The following CREB1 variants were observed in gnomAD, a reference collection of about 807,000 sequenced individuals.
CREB1 encodes cAMP responsive element binding protein 1.
In CREB1, 2 loss-of-function variants were observed where a neutral mutation model predicts 42.0. The ratio of observed to expected loss-of-function variants is 0.05; its 90% confidence interval spans 0.02 to 0.15. The LOEUF is 0.15. Among genes scored for constraint, CREB1 ranks in the 10% least tolerant of loss-of-function variants. CREB1 has a pLI of 1.00. For missense variants in CREB1, 199 were observed against 388.9 expected (o/e 0.51, Z 4.11); for synonymous variants, 123 against 139.9 (o/e 0.88, Z 0.85).
At chr2:207,530,867 C>T (rs981440374) in intron 1 of CREB1, among the ~76,000 whole-genome samples, 1 of 151,534 alleles carries the variant, frequency 6.6e-6, no homozygotes. Flanking sequence ...TTCCCCCCCG[C>T]TCCTACACCG....
chr2:207,564,890 AG>A (rs2082084215), intron 3 of CREB1, among the ~76,000 whole-genome samples: 1 of 152,238 alleles, frequency 6.6e-6, no homozygotes, highest in Non-Finnish European at 1.5e-5. Flanking sequence ...TGAGAATAAA[AG>A]GAAGGGGTTC....
intron 1 of CREB1, among the ~76,000 whole-genome samples, chr2:207,552,662 G>T (rs564148206): frequency 2.0e-5 from 3 of 149,526 alleles, no homozygotes; most frequent in African/African-American, 7.4e-5. Context: ...CTGCAGTGCA[G>T]TGGCGCGATC....
At chr2:207,540,669 T>TAAAAAAAAAAAAAAAAAAAAAAAAAAAAA (rs35714520) in intron 1 of CREB1, among the ~76,000 whole-genome samples, 1 of 64,268 alleles carries the variant, frequency 1.6e-5, no homozygotes, top group Non-Finnish European at 2.6e-5. Flanking sequence ...GTTTAAAAAG[T>TAAAAAAAAAAAAAAAAAAAAAAAAAAAAA]AAAAAAAAAA....
intron 2 of CREB1, among the ~76,000 whole-genome samples, chr2:207,556,448 G>T (rs938688600): frequency 6.6e-6 from 1 of 152,192 alleles, no homozygotes; most frequent in Non-Finnish European, 1.5e-5. Context: ...TCAGATGAAG[G>T]TTCCCAGGAG....
intron 1 of CREB1, chr2:207,550,627 A>C (rs958493061): frequency 1.3e-5 from 2 of 152,186 alleles, no homozygotes; most frequent in African/African-American, 4.8e-5. Context: ...CTAATGATTG[A>C]AAGAAAAAGT....
chr2:207,532,462 C>G (rs1031745839), intron 1 of CREB1, among the ~76,000 whole-genome samples: 29 of 151,950 alleles, frequency 1.9e-4, no homozygotes, highest in Admixed American at 1.9e-3. Flanking sequence ...CTCACGAGGT[C>G]AAGAGATCGA....
intron 7 of CREB1, chr2:207,580,940 G>A (rs2082887431): frequency 4.6e-6 from 1 of 217,074 alleles, no homozygotes; most frequent in African/African-American, 2.2e-5. Context: ...CTCGTGATCT[G>A]TTAGCCACAG....
chr2:207,540,619 A>G (rs2081054407), intron 1 of CREB1, among the ~76,000 whole-genome samples: 1 of 144,570 alleles, frequency 6.9e-6, no homozygotes, highest in East Asian at 2.1e-4. Flanking sequence ...TGGGTGACAT[A>G]GTGAGACCCT....
intron 1 of CREB1, among the ~76,000 whole-genome samples, chr2:207,552,223 A>G (rs2081537849): frequency 6.6e-6 from 1 of 152,038 alleles, no homozygotes; most frequent in Non-Finnish European, 1.5e-5. Flanking sequence ...CATTTTGAGT[A>G]TGTCTTTGTA....
intron 1 of CREB1, among the ~76,000 whole-genome samples, chr2:207,544,318 A>G (rs2106387923): frequency 6.6e-6 from 1 of 152,298 alleles, no homozygotes; most frequent in East Asian, 1.9e-4. Context: ...TCTTAATCAG[A>G]TCTGCATCAG....
At chr2:207,587,178 G>T (rs1190614386) in intron 7 of CREB1, among the ~76,000 whole-genome samples, 1 of 152,192 alleles carries the variant, frequency 6.6e-6, no homozygotes, top group Non-Finnish European at 1.5e-5. Flanking sequence ...TGGATCACAA[G>T]GTCAGGAGAT....
chr2:207,533,886 A>C (rs2080757601), intron 1 of CREB1, among the ~76,000 whole-genome samples: 1 of 152,170 alleles, frequency 6.6e-6, no homozygotes, highest in African/African-American at 2.4e-5. Flanking sequence ...GCTATCCTGT[A>C]CCCACCCTAA....
At chr2:207,535,542 A>T (rs981860123) in intron 1 of CREB1, among the ~76,000 whole-genome samples, 1 of 151,502 alleles carries the variant, frequency 6.6e-6, no homozygotes, top group Admixed American at 6.6e-5. Flanking sequence ...TACCTTGACG[A>T]TTTTCTAGTA....
rs2087048413 is a variant in CREB1 at position 207,601,498 on chromosome 2, A to T, written c.*4440A>T. On this transcript the variant is annotated 3_prime_UTR_variant, in exon 8 of 8. Coordinates refer to ENST00000353267, the MANE Select transcript of CREB1 (RefSeq NM_004379.5). ...AAAAGACGGGCTCAAACCTTGTTTT[A>T]TTCTTTTTCATCTTGGATGAAGATT... The T allele has an allele frequency of 1.0e-5, 2 of 193,918 alleles. No homozygotes were observed. Among genetic ancestry groups the T allele is most frequent in the South Asian group, 3.9e-4 (2 of 5,170 alleles). 12.0% of individuals were successfully genotyped at this position (193,918 alleles called of 1,614,324 possible).
At chr2:207,540,882 C>T (rs991266689) in intron 1 of CREB1, among the ~76,000 whole-genome samples, 11 of 151,984 alleles carry the variant, frequency 7.2e-5, no homozygotes, top group African/African-American at 2.2e-4. Flanking sequence ...CAGTAAGCTA[C>T]GGTTAATGTA....
In CREB1 at chr2:207,598,796, C is replaced by G. The variant is rs143910207; in HGVS notation, c.*1738C>G. The G allele has an allele frequency of 4.1e-4, 69 of 169,384 alleles. No individual in the cohort carries two copies. The highest frequency in any genetic ancestry group is 1.6e-3 in the African/African-American group (68 of 42,030). The allele number at this position is 169,384 out of a possible 1,614,324, so 10.5% of individuals were successfully genotyped here. On this transcript the variant is annotated 3_prime_UTR_variant, in exon 8 of 8. Coordinates refer to ENST00000353267, the MANE Select transcript of CREB1 (RefSeq NM_004379.5). ...CAGGAGGCAGAGGGTTGCAGTGAGC[C>G]GAGATAGCACCATTGCACTCCAGCC...
Position 207,567,482 on chromosome 2 carries a change from G to A in CREB1, c.281G>A (p.Ser94Asn). ...TTTCAGATTTCAACTATTGCAGAAAGTGAAGATTCACAGGAGTCAGTGGAT... is the reference window on the plus strand; with the variant it reads ...TTTCAGATTTCAACTATTGCAGAAAATGAAGATTCACAGGAGTCAGTGGAT... ...QTVQISTIAE[S>N]EDSQESVDSV... is the part of the protein sequence containing the mutation. The change falls in exon 4 of 8, where the codon AGT becomes AAT. Residue 94 changes from serine to asparagine, a missense_variant. Coordinates refer to ENST00000353267, the MANE Select transcript of CREB1 (RefSeq NM_004379.5). The A allele has an allele frequency of 6.2e-7, 1 of 1,609,502 alleles. No individual in the cohort carries two copies. Among genetic ancestry groups the A allele is most frequent in the Non-Finnish European group, 8.5e-7 (1 of 1,177,198 alleles).
intron 1 of CREB1, among the ~76,000 whole-genome samples, chr2:207,532,902 T>C (rs2080710017): frequency 6.6e-6 from 1 of 151,874 alleles, no homozygotes; most frequent in African/African-American, 2.4e-5. Flanking sequence ...ATTACAGGTG[T>C]GAGCCACCGC....
At position 207,604,140 on chromosome 2, in the gene CREB1, C is replaced by T. The variant is rs185369978; in HGVS notation, c.*7082C>T. On this transcript the variant is annotated 3_prime_UTR_variant, in exon 8 of 8. Coordinates refer to ENST00000353267, the MANE Select transcript of CREB1 (RefSeq NM_004379.5). Reference sequence around the variant, plus strand: ...GCAAATCGGAATCGGGTCACCCTGCCACGTTCAGGTGCTTGGACCTTCAGG... The same window carrying T: ...GCAAATCGGAATCGGGTCACCCTGCTACGTTCAGGTGCTTGGACCTTCAGG... Among the ~76,000 whole-genome samples the T allele has an allele frequency of 3.3e-5, 5 of 152,312 alleles. No individual in the cohort carries two copies. The highest frequency in any genetic ancestry group is 3.3e-4 in the Admixed American group (5 of 15,300).
Sources: gnomAD v4.1 joint callset for allele counts (sites outside exome capture counted in the v4.1 genomes callset) on GRCh38, gnomAD v4.1.1 for gene constraint, MANE v1.5 for transcripts, NCBI Gene and HGNC (gene_info 2026-07-23, HGNC 2026-07-21) for gene names.